The following MYH10 variants were observed in gnomAD, a reference collection of about 807,000 sequenced individuals.
MYH10 encodes myosin heavy chain 10.
MYH10 carries 55 observed loss-of-function variants against 257.8 expected under a neutral mutation model. The observed-to-expected ratio is 0.21, with a 90% confidence interval of 0.17 to 0.27. The LOEUF (loss-of-function observed/expected upper bound fraction) is 0.27, where lower values mean the gene tolerates loss of function less well. MYH10 is among the 10% of genes least tolerant of loss of function. The pLI, the probability that MYH10 is intolerant of heterozygous loss-of-function variation, is 1.00. For missense variants in MYH10, 1,631 were observed against 2,500.6 expected, an observed-to-expected ratio of 0.65 and a Z score of 7.42; for synonymous variants, 854 against 921.7, an observed-to-expected ratio of 0.93 and a Z score of 1.33.
intron 3 of MYH10, among the ~76,000 whole-genome samples, chr17:8,595,419 A>T (rs2084324202): frequency 7.7e-6 from 1 of 129,430 alleles, no homozygotes; most frequent in Admixed American, 9.3e-5. Context: ...CCCAGTAAGA[A>T]CAGTTCTTTT....
chr17:8,598,887 C>T (rs1021584642), intron 3 of MYH10, among the ~76,000 whole-genome samples: 5 of 151,754 alleles, frequency 3.3e-5, no homozygotes, highest in Non-Finnish European at 5.9e-5. Flanking sequence ...TTTTATTTTT[C>T]GTAGAGCTGG....
In MYH10 at chr17:8,545,269, G is replaced by A. The variant is rs1163725945; in HGVS notation, c.1431+179C>T. Among the ~76,000 whole-genome samples the A allele has an allele frequency of 6.6e-6, 1 of 152,172 alleles. No homozygotes were observed. Among genetic ancestry groups the A allele is most frequent in the Non-Finnish European group, 1.5e-5 (1 of 68,026 alleles). On this transcript the variant is annotated intron_variant, in intron 13 of 42. Coordinates refer to ENST00000360416, the MANE Select transcript of MYH10 (RefSeq NM_001256012.3). This position sits in a 1 kb window ranked among gnomAD's most constrained non-coding sequence, Gnocchi z 4.7. ...CCAGTTCTATCACAGCACCCTTTCA[G>A]TGCATTCTCACAGACCTGCGGATTC...
intron 3 of MYH10, among the ~76,000 whole-genome samples, chr17:8,603,796 A>G (rs1157787260): frequency 1.3e-5 from 2 of 152,176 alleles, no homozygotes; most frequent in Non-Finnish European, 2.9e-5. Context: ...AAAAAAGATT[A>G]TTAAATTTAA....
At chr17:8,561,643 TAAAAA>T in intron 7 of MYH10, 3 of 549,830 alleles carry the variant, frequency 5.5e-6, no homozygotes, top group Non-Finnish European at 9.6e-6. Flanking sequence ...AAATTGTACT[TAAAAA>T]AAAAAAAAAA....
intron 4 of MYH10, among the ~76,000 whole-genome samples, chr17:8,582,642 G>A (rs1446812456): frequency 1.3e-5 from 2 of 152,214 alleles, no homozygotes; most frequent in African/African-American, 2.4e-5. Context: ...ACGTGAACAT[G>A]TTTGCGTTTC....
At chr17:8,589,197 C>A in intron 3 of MYH10, 89 bp from the exon 4 acceptor site, 1 of 1,359,758 alleles carries the variant, frequency 7.4e-7, no homozygotes, top group Non-Finnish European at 1.0e-6. Flanking sequence ...GCAGTAATAG[C>A]CTATAAAATA....
Position 8,506,219 on chromosome 17 carries a change from C to T in MYH10, c.3386+99G>A. 1 of 1,269,524 alleles carries T rather than the reference C, an allele frequency of 7.9e-7. No individual in the cohort carries two copies. The highest frequency in any genetic ancestry group is 1.5e-5 in the African/African-American group (1 of 65,280). The allele number at this position is 1,269,524 out of a possible 1,614,324, so 78.6% of individuals were successfully genotyped here. A position where few individuals can be genotyped will look rare whatever the true frequency, so the allele number is the denominator to read the frequency against. ...ACACCAAACAGCAAGCAAACCCCAT[C>T]TCACTCTCCCAGGGTTTTTGAATGC... On this transcript the variant is annotated intron_variant, in intron 27 of 42. Coordinates refer to ENST00000360416, the MANE Select transcript of MYH10 (RefSeq NM_001256012.3). The surrounding 1 kb of genome is among the most constrained non-coding windows in gnomAD (Gnocchi z 5.0).
chr17:8,571,829 C>CG (rs2083354390), intron 6 of MYH10, among the ~76,000 whole-genome samples: 1 of 152,090 alleles, frequency 6.6e-6, no homozygotes. Context: ...TCCACCCCCC[C>CG]GGGGTCAGCA....
intron 40 of MYH10, among the ~76,000 whole-genome samples, chr17:8,479,280 G>A (rs959906519): frequency 2.0e-5 from 3 of 152,100 alleles, no homozygotes; most frequent in Non-Finnish European, 4.4e-5. Flanking sequence ...TTGGTTAGAG[G>A]TGAAACAAAT....
At chr17:8,570,641 A>C (rs1387486868) in intron 6 of MYH10, among the ~76,000 whole-genome samples, 1 of 152,146 alleles carries the variant, frequency 6.6e-6, no homozygotes, top group Non-Finnish European at 1.5e-5. Flanking sequence ...CATAAATCTT[A>C]CCCCTATATT....
Position 8,474,420 on chromosome 17 carries a change from T to G in MYH10, c.*1384A>C, listed in dbSNP as rs543055824. Reference sequence around the variant, plus strand: ...CAGTACAGTTCATAAAGGGGGAAAATCCAAGATTCCAAACCCACAGGACAA... The same window carrying G: ...CAGTACAGTTCATAAAGGGGGAAAAGCCAAGATTCCAAACCCACAGGACAA... On this transcript the variant is annotated 3_prime_UTR_variant, in exon 43 of 43. Transcript: ENST00000360416. 1 of 152,572 alleles carries G rather than the reference T, an allele frequency of 6.6e-6. No individual in the cohort carries two copies. The highest frequency in any genetic ancestry group is 1.5e-5 in the Non-Finnish European group (1 of 67,998). 9.5% of individuals were successfully genotyped at this position (152,572 alleles called of 1,614,324 possible).
At chr17:8,481,699 T>G (rs915376280) in intron 37 of MYH10, among the ~76,000 whole-genome samples, 1 of 152,242 alleles carries the variant, frequency 6.6e-6, no homozygotes, top group Non-Finnish European at 1.5e-5. Flanking sequence ...CTGCCCTTCT[T>G]GGAAAGCTGG....
Position 8,478,179 on chromosome 17 carries a change from G to A in MYH10, c.5706+159C>T, listed in dbSNP as rs1345944105. The A allele has an allele frequency of 5.9e-5, 38 of 641,770 alleles. No homozygotes were observed. In the South Asian group the frequency reaches 6.0e-4, roughly 10 times the overall value. 39.8% of individuals were successfully genotyped at this position (641,770 alleles called of 1,614,324 possible). A position where few individuals can be genotyped will look rare whatever the true frequency, so the allele number is the denominator to read the frequency against. On this transcript the variant is annotated intron_variant, in intron 41 of 42. Coordinates refer to ENST00000360416, the MANE Select transcript of MYH10 (RefSeq NM_001256012.3). ...TGCTCTCCCCGCCCTCCTGTGTCTC[G>A]GGTACTGGGAGTGCCCACCAGGAAC...
Position 8,546,664 on chromosome 17 carries a change from T to C in MYH10, c.1160-2A>G. 6.2e-7 allele frequency: 1 copy of C among 1,612,298 alleles called. No individual in the cohort carries two copies. The highest frequency in any genetic ancestry group is 8.5e-7 in the Non-Finnish European group (1 of 1,178,590). On this transcript the variant is annotated splice_acceptor_variant, in intron 11 of 42. Transcript: ENST00000360416. LOFTEE classifies it high-confidence loss of function. ...GAAGATGGCAGAGCTTCTGCGCAACTGAAGTGTAAAAAGTCTCCTAAATCC... is the reference window on the plus strand; with the variant it reads ...GAAGATGGCAGAGCTTCTGCGCAACCGAAGTGTAAAAAGTCTCCTAAATCC...
At chr17:8,523,078 A>G (rs1285843522) in intron 17 of MYH10, among the ~76,000 whole-genome samples, 1 of 152,162 alleles carries the variant, frequency 6.6e-6, no homozygotes, top group Non-Finnish European at 1.5e-5. Context: ...AAGGCACAAT[A>G]CAAATGCTGA....
chr17:8,556,081 C>T (rs571004644), intron 7 of MYH10, among the ~76,000 whole-genome samples: 4 of 152,322 alleles, frequency 2.6e-5, no homozygotes, highest in African/African-American at 7.2e-5. Context: ...AAAACAGCCA[C>T]GATGAGACAC....
At chr17:8,520,444 C>T (rs983309281) in intron 19 of MYH10, among the ~76,000 whole-genome samples, 5 of 151,944 alleles carry the variant, frequency 3.3e-5, no homozygotes, top group African/African-American at 1.2e-4. Context: ...TGCAGTGAGC[C>T]GAGATGGCTC....
chr17:8,625,733 G>A (rs534399043), intron 1 of MYH10, among the ~76,000 whole-genome samples: 39 of 152,154 alleles, frequency 2.6e-4, no homozygotes, highest in Non-Finnish European at 3.2e-4. Flanking sequence ...CACCTGCCTC[G>A]GCCTCCCAAA....
At chr17:8,609,208 C>T (rs970427687) in intron 2 of MYH10, among the ~76,000 whole-genome samples, 2 of 152,062 alleles carry the variant, frequency 1.3e-5, no homozygotes, top group Non-Finnish European at 2.9e-5. Context: ...ATTAGAGAAA[C>T]AGGAAGTGTA....
Sources: allele counts gnomAD v4.1 joint callset (sites outside exome capture counted in the v4.1 genomes callset), GRCh38; gene constraint gnomAD v4.1.1; non-coding constraint Gnocchi (gnomAD v3.1); transcripts MANE v1.5; gene names NCBI Gene and HGNC (gene_info 2026-07-23, HGNC 2026-07-21).